Variants in LMAN1L observed in about 807,000 individuals in gnomAD.
LMAN1L encodes protein ERGIC-53-like.
A neutral mutation model predicts 58.3 loss-of-function variants in LMAN1L; 60 were observed. That is an observed-to-expected ratio of 1.03 (90% CI 0.84 to 1.27). The LOEUF is 1.27. LMAN1L is among the 50% of genes most tolerant of loss of function. The pLI, the probability that LMAN1L is intolerant of heterozygous loss-of-function variation, is 0.00. For synonymous variants in LMAN1L, 280 were observed against 271.6 expected, an observed-to-expected ratio of 1.03 and a Z score of -0.31; for missense variants, 629 against 674.0, an observed-to-expected ratio of 0.93 and a Z score of 0.74.
At chr15:74,817,723 A>C (rs2063898122) in intron 4 of LMAN1L, among the ~76,000 whole-genome samples, 1 of 152,078 alleles carries the variant, frequency 6.6e-6, no homozygotes, top group Non-Finnish European at 1.5e-5. Context: ...AAGAAGGAGG[A>C]GGGAGAGGCC....
At chr15:74,821,425 G>A (rs560101040) in intron 9 of LMAN1L, among the ~76,000 whole-genome samples, 199 bp downstream of exon 9, 1 of 152,210 alleles carries the variant, frequency 6.6e-6, no homozygotes, top group Admixed American at 6.5e-5. Context: ...TGGGGCTGAG[G>A]CTGGGGCTGG....
chr15:74,814,914 C>A (rs1056984790), intron 1 of LMAN1L, among the ~76,000 whole-genome samples: 6 of 152,200 alleles, frequency 3.9e-5, no homozygotes, highest in Non-Finnish European at 7.3e-5. Flanking sequence ...CTCACAGCAC[C>A]AAGCTGGGCC....
chr15:74,824,244 C>A (rs1171111652), intron 12 of LMAN1L, 107 bp from the exon 13 acceptor site: 3 of 1,147,692 alleles, frequency 2.6e-6, no homozygotes, highest in Non-Finnish European at 2.5e-6. Flanking sequence ...GCCAGGACGC[C>A]CCAAGCCTGG....
Position 74,821,896 on chromosome 15 carries a change from A to G in LMAN1L, c.1127A>G (p.Asn376Ser), listed in dbSNP as rs2141116836. The G allele has an allele frequency of 2.5e-6, 4 of 1,604,266 alleles. No homozygotes were observed. The highest frequency in any genetic ancestry group is 3.4e-6 in the Non-Finnish European group (4 of 1,171,408). Residue 376 changes from asparagine (N) to serine (S), a missense_variant, in exon 10 of 14, where the codon AAT becomes AGT. Asn to Ser is a conservative substitution (Grantham distance 46, BLOSUM62 1). Around this residue, in one of 3 missense-constraint regions of LMAN1L, gnomAD observed 573 missense variants for 597.3 expected, o/e 0.96. Coordinates refer to ENST00000309664, the MANE Select transcript of LMAN1L (RefSeq NM_021819.3). ...GGTGGCCACCTCTCCATGTCACTCA[A>G]TAAGGTAGGGACCCAAACACTGGGT... ...GRGGHLSMSL[N>S]KDSAKVGALL...
At position 74,821,878 on chromosome 15, in the gene LMAN1L, A is replaced by C; in HGVS notation, c.1109A>C (p.His370Pro). Residue 370 changes from histidine to proline, a missense_variant, in exon 10 of 14, where the codon CAC (histidine) becomes CCC (proline). Around this residue, in one of 3 missense-constraint regions of LMAN1L, gnomAD observed 573 missense variants for 597.3 expected, o/e 0.96. Transcript: ENST00000309664. ...QIPSTPGRGG[H>P]LSMSLNKDSA... ...CCATCCACCCCAGGGAGGGGTGGCC[A>C]CCTCTCCATGTCACTCAATAAGGTA... 2 of 1,611,388 alleles carry C rather than the reference A, an allele frequency of 1.2e-6. No homozygotes were observed. Among genetic ancestry groups the C allele is most frequent in the Non-Finnish European group, 1.7e-6 (2 of 1,177,878 alleles).
chr15:74,821,171 G>A lies in LMAN1L; in HGVS notation c.1004G>A (p.Arg335Lys). ...GLSKQLAQAE[R>K]QWKKQLGPPG... ...TCCAAGCAGCTGGCCCAGGCTGAGA[G>A]ACAATGGAAGAAGCAGCTGGGGCCC... The change falls in exon 9 of 14, where the codon AGA becomes AAA. Residue 335 changes from arginine (R) to lysine (K), a missense_variant. By Grantham distance (26) the Arg-to-Lys change is conservative. Coordinates refer to ENST00000309664, the MANE Select transcript of LMAN1L (RefSeq NM_021819.3). 1 of 1,552,086 alleles carries A rather than the reference G, an allele frequency of 6.4e-7. No homozygotes were observed. The highest frequency in any genetic ancestry group is 8.7e-7 in the Non-Finnish European group (1 of 1,148,074).
At chr15:74,824,050 C>T (rs1164630260) in intron 12 of LMAN1L, 6 of 498,830 alleles carry the variant, frequency 1.2e-5, no homozygotes, top group African/African-American at 1.9e-5. Context: ...CTCGTTCCCT[C>T]GCCCTCACCC....
intron 5 of LMAN1L, 131 bp downstream of exon 5, chr15:74,818,948 AG>A: frequency 1.0e-6 from 1 of 989,656 alleles, no homozygotes; most frequent in East Asian, 2.6e-5. Context: ...CAACATCCAC[AG>A]GGGATCCTCC....
At chr15:74,823,184 G>A (rs556567188) in intron 11 of LMAN1L, among the ~76,000 whole-genome samples, 199 of 152,290 alleles carry the variant, frequency 1.3e-3, no homozygotes, top group African/African-American at 4.6e-3. Flanking sequence ...ATGCTGTGGA[G>A]GAGGCATGCA....
In LMAN1L at chr15:74,820,044, A is replaced by G. The variant is rs1341457893; in HGVS notation, c.719A>G (p.Asp240Gly). Residue 240 changes from aspartate to glycine, a missense_variant and splice_region_variant, in exon 7 of 14, where the codon GAT (aspartate) becomes GGT (glycine). By Grantham distance (94) the Asp-to-Gly change is moderately conservative. Transcript: ENST00000309664. ...TTCTCCTTCATCTGTCCCCTTCCAG[A>G]TGATCATGATGTCCTGTCCTTCCTG... ...GVSAATGTLADDHDVLSFLTF... is the reference protein window; with the variant it reads ...GVSAATGTLAGDHDVLSFLTF... 9 of 1,613,828 alleles carry G rather than the reference A, an allele frequency of 5.6e-6. No individual in the cohort carries two copies. The highest frequency in any genetic ancestry group is 1.6e-4 in the Middle Eastern group (1 of 6,084).
chr15:74,813,157 G>C, intron 1 of LMAN1L, 128 bp downstream of exon 1: 2 of 1,019,614 alleles, frequency 2.0e-6, no homozygotes, highest in Non-Finnish European at 2.9e-6. Context: ...CTGGGACAGT[G>C]CCAGGCACCC....
chr15:74,813,021 A>G lies in LMAN1L; in HGVS notation c.167A>G (p.His56Arg), dbSNP rs1182201645. ...LPGAGIPFWS[H>R]HGDAILGLEE... The stretch of plus-strand genomic sequence containing the variant: ...GGGGCTGGAATACCCTTCTGGAGCC[A>G]TCATGGAGGTGAGGGGCAGGGGTGG... Residue 56 changes from histidine to arginine, a missense_variant, in exon 1 of 14, where the codon CAT (histidine) becomes CGT (arginine). Physicochemically the swap from His to Arg is conservative, Grantham distance 29 (BLOSUM62 0). This residue lies in a region of LMAN1L where 573 missense variants were observed against 597.3 expected (regional missense o/e 0.96). Coordinates refer to ENST00000309664, the MANE Select transcript of LMAN1L (RefSeq NM_021819.3). The G allele has an allele frequency of 1.9e-6, 3 of 1,612,190 alleles. No homozygotes were observed. Among genetic ancestry groups the G allele is most frequent in the Non-Finnish European group, 8.5e-7 (1 of 1,179,082 alleles).
intron 4 of LMAN1L, among the ~76,000 whole-genome samples, chr15:74,818,196 T>G (rs1213723468): frequency 1.3e-5 from 2 of 152,126 alleles, no homozygotes; most frequent in African/African-American, 2.4e-5. Context: ...CAACACTCCG[T>G]CAGGCAGGGC....
chr15:74,816,133 G>A, intron 1 of LMAN1L, 24 bp from the exon 2 acceptor site: 2 of 1,541,338 alleles, frequency 1.3e-6, no homozygotes, highest in African/African-American at 1.4e-5. Context: ...TGGAGCCTGG[G>A]GCTTGAGCTG....
At chr15:74,819,316 A>T (rs2063906767) in intron 6 of LMAN1L, 44 bp downstream of exon 6, 2 of 1,602,472 alleles carry the variant, frequency 1.2e-6, no homozygotes, top group East Asian at 2.2e-5. Flanking sequence ...GGCAGTGATG[A>T]ATAAATCACC....
At chr15:74,818,682 T>G in intron 4 of LMAN1L, 36 bp from the exon 5 acceptor site, 2 of 1,517,056 alleles carry the variant, frequency 1.3e-6, no homozygotes, top group Non-Finnish European at 1.8e-6. Flanking sequence ...CAGCGACTCT[T>G]TCTCAAAAAC....
chr15:74,813,521 G>A lies in LMAN1L; in HGVS notation c.175+492G>A, dbSNP rs183090590. ...CCTTCCCTGTATGTGTGTTGTGGGT[G>A]GAAGCAGGCATGAGAGCATCTTAGC... On this transcript the variant is annotated intron_variant, in intron 1 of 13. Transcript: ENST00000309664. 2.9e-3 allele frequency: 1,333 copies of A among 455,226 alleles called. 4 individuals carry two copies. Among genetic ancestry groups the A allele is most frequent in the Non-Finnish European group, 4.1e-3 (920 of 226,294 alleles). 28.2% of individuals were successfully genotyped at this position (455,226 alleles called of 1,614,324 possible). A position where few individuals can be genotyped will look rare whatever the true frequency, so the allele number is the denominator to read the frequency against.
At position 74,821,223 on chromosome 15, in the gene LMAN1L, C is replaced by T; in HGVS notation, c.1056C>T (p.Gly352=). 6.5e-7 allele frequency: 1 copy of T among 1,549,028 alleles called. No homozygotes were observed. The highest frequency in any genetic ancestry group is 8.7e-7 in the Non-Finnish European group (1 of 1,146,892). The change falls in exon 9 of 14, where the codon GGC becomes GGT. Residue 352 remains glycine, a synonymous_variant. Coordinates refer to ENST00000309664, the MANE Select transcript of LMAN1L (RefSeq NM_021819.3). ...GPPGQARPDG[G]WALDASCQIP... Reference sequence around the variant, plus strand: ...CAGGCCAAGCCAGGCCTGACGGAGGCTGGGTGAGAAGCCCTACAGGCATCC... The same window carrying T: ...CAGGCCAAGCCAGGCCTGACGGAGGTTGGGTGAGAAGCCCTACAGGCATCC...
At chr15:74,819,104 C>A (rs747375483) in intron 5 of LMAN1L, 48 bp from the exon 6 acceptor site, 3 of 1,555,624 alleles carry the variant, frequency 1.9e-6, no homozygotes, top group South Asian at 1.2e-5. Context: ...GCCAGGGAGT[C>A]AGAGGTAGGG....
Sources: allele counts gnomAD v4.1 joint callset (sites outside exome capture counted in the v4.1 genomes callset), GRCh38; gene constraint gnomAD v4.1.1; regional missense constraint gnomAD v4.1.1; transcripts MANE v1.5; gene names NCBI Gene and HGNC (gene_info 2026-07-23, HGNC 2026-07-21).